The following CCDC170 variants were observed in gnomAD, a reference collection of about 807,000 sequenced individuals.
CCDC170 encodes the protein coiled-coil domain-containing protein 170.
Under a neutral mutation model 72.6 loss-of-function variants are expected in CCDC170, and 69 were observed. The ratio of observed to expected loss-of-function variants is 0.95; its 90% CI spans 0.78 to 1.16. The LOEUF is 1.16. CCDC170 is among the 50% of genes most tolerant of loss of function. The probability of loss-of-function intolerance (pLI) is 0.00; values close to 1 mark genes in which losing one functional copy is unlikely to be tolerated. For missense variants in CCDC170, 852 were observed against 832.5 expected (o/e 1.02, Z -0.29); for synonymous variants, 300 against 303.9 (o/e 0.99, Z 0.13).
intron 5 of CCDC170, among the ~76,000 whole-genome samples, chr6:151,566,614 T>C (rs1412582064): frequency 6.6e-6 from 1 of 152,114 alleles, no homozygotes; most frequent in Non-Finnish European, 1.5e-5. Flanking sequence ...ATAATGAAAA[T>C]CAGAATAAAC....
intron 6 of CCDC170, 108 bp downstream of exon 6, chr6:151,573,599 CG>C: frequency 9.6e-7 from 1 of 1,042,792 alleles, no homozygotes; most frequent in Non-Finnish European, 1.4e-6. Context: ...AAGAAATACC[CG>C]AGACTGGGTA....
intron 1 of CCDC170, among the ~76,000 whole-genome samples, chr6:151,514,009 C>A (rs1301636130): frequency 4.7e-5 from 7 of 149,758 alleles, no homozygotes; most frequent in Admixed American, 4.7e-4. Context: ...TCATTTTTTT[C>A]ATCGATTAGA....
At chr6:151,571,364 A>G (rs775479556) in intron 5 of CCDC170, among the ~76,000 whole-genome samples, 13 of 151,862 alleles carry the variant, frequency 8.6e-5, no homozygotes, top group Non-Finnish European at 1.6e-4. Flanking sequence ...TACTACAGCC[A>G]TGCTAGTTAA....
intron 1 of CCDC170, among the ~76,000 whole-genome samples, chr6:151,529,582 G>A (rs770580382): frequency 4.6e-5 from 7 of 152,166 alleles, no homozygotes; most frequent in East Asian, 1.9e-4. Context: ...GCTTGAACCC[G>A]GGAGGCGGAG....
intron 9 of CCDC170, among the ~76,000 whole-genome samples, chr6:151,613,350 C>T (rs1356198018): frequency 2.0e-5 from 3 of 152,216 alleles, no homozygotes; most frequent in African/African-American, 7.2e-5. Flanking sequence ...TTGCGGTGAG[C>T]TGAGATTGTG....
At chr6:151,536,157 G>A (rs1782574678) in intron 1 of CCDC170, 161 bp from the exon 2 acceptor site, 1 of 759,018 alleles carries the variant, frequency 1.3e-6, no homozygotes, top group African/African-American at 1.8e-5. Context: ...CTTTGAGAAT[G>A]AGAACCAAAT....
chr6:151,611,244 C>A (rs568812963), intron 9 of CCDC170, among the ~76,000 whole-genome samples: 1 of 135,306 alleles, frequency 7.4e-6, no homozygotes, highest in African/African-American at 2.5e-5. Flanking sequence ...CACTTCACTC[C>A]AGTCTGGGTG....
intron 2 of CCDC170, among the ~76,000 whole-genome samples, chr6:151,537,530 C>T (rs1782608951): frequency 6.6e-6 from 1 of 151,938 alleles, no homozygotes; most frequent in South Asian, 2.1e-4. Flanking sequence ...TTTTTCTTTT[C>T]TCCTATGTTT....
At chr6:151,531,401 A>G (rs1782488242) in intron 1 of CCDC170, among the ~76,000 whole-genome samples, 1 of 152,180 alleles carries the variant, frequency 6.6e-6, no homozygotes, top group Non-Finnish European at 1.5e-5. Context: ...CAAGGAGTTC[A>G]AGACCAGCCT....
intron 6 of CCDC170, among the ~76,000 whole-genome samples, chr6:151,584,755 G>T (rs1776428621): frequency 6.6e-6 from 1 of 152,036 alleles, no homozygotes; most frequent in Admixed American, 6.5e-5. Context: ...GGCTCCGAGG[G>T]TAACTCAGAA....
intron 9 of CCDC170, among the ~76,000 whole-genome samples, chr6:151,599,638 G>A (rs1489912280): frequency 6.6e-6 from 1 of 152,136 alleles, no homozygotes; most frequent in Non-Finnish European, 1.5e-5. Context: ...TGTCAGGAAC[G>A]AGACTGAGAA....
At chr6:151,503,838 AT>A (rs1451101432) in intron 1 of CCDC170, among the ~76,000 whole-genome samples, 1 of 152,176 alleles carries the variant, frequency 6.6e-6, no homozygotes, top group Non-Finnish European at 1.5e-5. Context: ...CAAGTTAATC[AT>A]TTGGGGCACT....
In CCDC170 at chr6:151,620,861, G is replaced by A. The variant is rs534818104; in HGVS notation, c.*2714G>A. On this transcript the variant is annotated 3_prime_UTR_variant, in exon 11 of 11. Coordinates refer to ENST00000239374, the MANE Select transcript of CCDC170 (RefSeq NM_025059.4). ...ATTTTATATCAGGATTCATGTAAGAGACTAAAAATGATCCATAGTGGTTAG... is the reference window on the plus strand; with the variant it reads ...ATTTTATATCAGGATTCATGTAAGAAACTAAAAATGATCCATAGTGGTTAG... 6.6e-6 allele frequency: 1 copy of A among 151,666 alleles called. No homozygotes were observed. Among genetic ancestry groups the A allele is most frequent in the Non-Finnish European group, 1.5e-5 (1 of 67,940 alleles). The allele number at this position is 151,666 out of a possible 1,614,324, so 9.4% of individuals were successfully genotyped here.
intron 1 of CCDC170, among the ~76,000 whole-genome samples, chr6:151,515,167 G>A (rs1022745920): frequency 2.6e-5 from 4 of 152,272 alleles, no homozygotes; most frequent in Non-Finnish European, 5.9e-5. Context: ...TCCTTGAAAT[G>A]CAAGAGCCTG....
chr6:151,553,714 C>A (rs556172179), intron 5 of CCDC170, among the ~76,000 whole-genome samples: 47 of 151,192 alleles, frequency 3.1e-4, no homozygotes, highest in African/African-American at 1.1e-3. Context: ...AAGTTCCTGC[C>A]AAAATCATAA....
intron 1 of CCDC170, among the ~76,000 whole-genome samples, chr6:151,516,651 T>C (rs115061624): frequency 0.01 from 1,591 of 152,138 alleles, 27 homozygotes; most frequent in African/African-American, 0.036. Flanking sequence ...AGAACAGCTC[T>C]CTCCCTTGAA....
At chr6:151,540,373 C>T (rs1437483464) in intron 3 of CCDC170, among the ~76,000 whole-genome samples, 19 of 37,982 alleles carry the variant, frequency 5.0e-4, no homozygotes, top group East Asian at 1.2e-3. Context: ...TCTGCTGCTG[C>T]TTTTTTTTTT....
intron 9 of CCDC170, among the ~76,000 whole-genome samples, chr6:151,602,921 C>T (rs1350894290): frequency 3.3e-5 from 5 of 152,016 alleles, no homozygotes; most frequent in Admixed American, 2.0e-4. Flanking sequence ...CTGCTTCAGC[C>T]TCTTGAGTTG....
chr6:151,548,902 G>GT lies in CCDC170; in HGVS notation c.774+416dup, dbSNP rs1394428093. On this transcript the variant is annotated intron_variant, in intron 5 of 10. Transcript: ENST00000239374. ...GCCCAGCTAGTTTTTTTGTTTGTTT[G>GT]TTTGTTTTTTTTGTTTTGGACGGAG... Among the ~76,000 whole-genome samples, 11 of 86,622 alleles carry GT rather than the reference G, an allele frequency of 1.3e-4. 1 individual carries two copies. In the South Asian group the frequency reaches 3.5e-3, roughly 27 times the overall value. 56.8% of individuals were successfully genotyped at this position (86,622 alleles called of 152,430 possible).
Sources: gnomAD v4.1 joint callset for allele counts (sites outside exome capture counted in the v4.1 genomes callset) on GRCh38, gnomAD v4.1.1 for gene constraint, MANE v1.5 for transcripts, NCBI Gene and HGNC (gene_info 2026-07-23, HGNC 2026-07-21) for gene names.